WDFY3: variants seen among roughly 807,000 people sequenced by gnomAD.
The protein encoded by WDFY3 is WD repeat and FYVE domain-containing protein 3.
A neutral mutation model predicts 409.6 loss-of-function variants in WDFY3; 66 were observed. That is an observed-to-expected ratio of 0.16 (90% confidence interval 0.13 to 0.20). The LOEUF is 0.20. WDFY3 is among the 10% of genes least tolerant of loss of function. The probability of loss-of-function intolerance (pLI) is 1.00; values close to 1 mark genes in which losing one functional copy is unlikely to be tolerated. For synonymous variants in WDFY3, 1,521 were observed against 1,537.1 expected (o/e 0.99, Z 0.25); for missense variants, 3,031 against 4,298.1 (o/e 0.71, Z 8.24).
chr4:84,706,548 G>GAA (rs34198168), intron 53 of WDFY3, among the ~76,000 whole-genome samples: 9 of 111,218 alleles, frequency 8.1e-5, no homozygotes, highest in Non-Finnish European at 9.9e-5. Context: ...TTAAAATGGT[G>GAA]AAAAAAAAAA....
At chr4:84,730,846 G>A (rs1390962436) in intron 44 of WDFY3, among the ~76,000 whole-genome samples, 1 of 151,786 alleles carries the variant, frequency 6.6e-6, no homozygotes, top group Non-Finnish European at 1.5e-5. Context: ...TGTTGCCCAG[G>A]CTAGAGTGCA....
rs1268797225 is a variant in WDFY3 at position 84,821,160 on chromosome 4, A to G, written c.1515T>C (p.Leu505=). The G allele has an allele frequency of 6.2e-7, 1 of 1,613,708 alleles. No individual in the cohort carries two copies. The highest frequency in any genetic ancestry group is 1.7e-5 in the Admixed American group (1 of 59,900). ...GCAAAAGGTTTACCATGACCTCCAA[A>G]AGGCCAACCTCCCTGAACACGTCTT... is the stretch of plus-strand genomic sequence containing the variant. ...IFKDVFREVG[L]LEVMVNLLHK... The change falls in exon 11 of 68, where the codon CTT becomes CTC. Residue 505 remains leucine (L), a synonymous_variant. Transcript: ENST00000295888.
At chr4:84,777,399 G>A (rs1400109137) in intron 27 of WDFY3, among the ~76,000 whole-genome samples, 5 of 151,828 alleles carry the variant, frequency 3.3e-5, no homozygotes, top group Non-Finnish European at 7.4e-5. Flanking sequence ...ATTGCTGCAA[G>A]AAAATAATAG....
At chr4:84,883,937 T>C (rs1763868570) in intron 3 of WDFY3, among the ~76,000 whole-genome samples, 1 of 152,150 alleles carries the variant, frequency 6.6e-6, no homozygotes, top group Non-Finnish European at 1.5e-5. Context: ...TTCTATTTAA[T>C]GATCAAAATA....
At chr4:84,932,513 T>A (rs1427875902) in intron 1 of WDFY3, 150 bp from the exon 2 acceptor site, 1 of 152,172 alleles carries the variant, frequency 6.6e-6, no homozygotes, top group African/African-American at 2.4e-5. Context: ...ATAGATTAAA[T>A]TTGCTATTAA....
At chr4:84,696,220 T>C (rs754272326) in intron 57 of WDFY3, 38 bp from the exon 58 acceptor site, 6 of 1,592,860 alleles carry the variant, frequency 3.8e-6, no homozygotes, top group African/African-American at 1.3e-5. Flanking sequence ...CTGGCTGACT[T>C]CTATTACTTG....
At chr4:84,761,756 A>G (rs910565150) in intron 32 of WDFY3, among the ~76,000 whole-genome samples, 26 of 152,186 alleles carry the variant, frequency 1.7e-4, no homozygotes, top group Middle Eastern at 3.2e-3. Flanking sequence ...GAACTCAAAC[A>G]AATTTACAAG....
intron 17 of WDFY3, among the ~76,000 whole-genome samples, chr4:84,800,447 T>C (rs1022514297): frequency 6.6e-6 from 1 of 152,164 alleles, no homozygotes; most frequent in Admixed American, 6.5e-5. Flanking sequence ...CATATGTAAG[T>C]ATATATTTCT....
At chr4:84,838,681 T>C (rs1467801576) in intron 6 of WDFY3, among the ~76,000 whole-genome samples, 2 of 152,194 alleles carry the variant, frequency 1.3e-5, no homozygotes, top group East Asian at 3.8e-4. Context: ...ATTTCTTGTC[T>C]CAAATACTCT....
rs146502046 is a variant in WDFY3, at chr4:84,726,647, A to G, written c.7272+214T>C. Among the ~76,000 whole-genome samples the G allele has an allele frequency of 4.0e-4, 61 of 152,218 alleles. 1 individual carries two copies. The East Asian group carries it at 0.011, about 28-fold the overall frequency. ...TTAGTGAGTGGCATATAAATCCTAA[A>G]AAGAGATAATTAGAAAAAGCTGAGC... On this transcript the variant is annotated intron_variant, in intron 45 of 67. Coordinates refer to ENST00000295888, the MANE Select transcript of WDFY3 (RefSeq NM_014991.6).
Position 84,821,382 on chromosome 4 carries a change from T to A in WDFY3, c.1293A>T (p.Ala431=). ...LESQHTLSQF[A]EKISKLPEVQ... is the part of the protein sequence containing the mutation. The stretch of plus-strand genomic sequence containing the variant: ...CTTCTGGGAGTTTAGAAATCTTCTC[T>A]GCAAACTGTGACAATGTGTGCTGTG... Residue 431 remains alanine (A), a synonymous_variant, in exon 11 of 68, where the codon GCA becomes GCT. Transcript: ENST00000295888. 1 of 1,613,942 alleles carries A rather than the reference T, an allele frequency of 6.2e-7. No individual in the cohort carries two copies. The highest frequency in any genetic ancestry group is 8.5e-7 in the Non-Finnish European group (1 of 1,179,884).
intron 47 of WDFY3, 93 bp downstream of exon 47, chr4:84,721,316 C>G: frequency 1.3e-6 from 2 of 1,503,072 alleles, no homozygotes; most frequent in Non-Finnish European, 9.0e-7. Flanking sequence ...GAGGCTAATG[C>G]ATTTACTTTC....
At chr4:84,790,186 C>G (rs1748265274) in intron 21 of WDFY3, among the ~76,000 whole-genome samples, 1 of 151,902 alleles carries the variant, frequency 6.6e-6, no homozygotes, top group African/African-American at 2.4e-5. Context: ...CCCATCTCTA[C>G]TAAAAACACA....
rs1300470674 is a variant in WDFY3 at position 84,910,162 on chromosome 4, A to T, written c.-131-13152T>A. Among the ~76,000 whole-genome samples the T allele has an allele frequency of 3.9e-5, 6 of 152,268 alleles. No individual in the cohort carries two copies. In the East Asian group the frequency reaches 1.2e-3, roughly 29 times the overall value. ...AATAACAACTATTTATATAACATTGACATTGTATTCGGTATTATAAGTAAT... is the reference window on the plus strand; with the variant it reads ...AATAACAACTATTTATATAACATTGTCATTGTATTCGGTATTATAAGTAAT... On this transcript the variant is annotated intron_variant, in intron 2 of 67. Coordinates refer to ENST00000295888, the MANE Select transcript of WDFY3 (RefSeq NM_014991.6).
intron 2 of WDFY3, among the ~76,000 whole-genome samples, chr4:84,903,758 G>A (rs1766639561): frequency 6.6e-6 from 1 of 152,086 alleles, no homozygotes; most frequent in African/African-American, 2.4e-5. Flanking sequence ...GAGAAAAGCT[G>A]GACAAAAACA....
At chr4:84,752,130 TA>T (rs1353693920) in intron 35 of WDFY3, among the ~76,000 whole-genome samples, 3 of 151,910 alleles carry the variant, frequency 2.0e-5, no homozygotes, top group Non-Finnish European at 2.9e-5. Context: ...TATTATAGGT[TA>T]AAAAAACCCC....
At chr4:84,809,791 T>C in intron 14 of WDFY3, 96 bp downstream of exon 14, 1 of 1,121,612 alleles carries the variant, frequency 8.9e-7, no homozygotes, top group South Asian at 1.6e-5. Flanking sequence ...GTCATCTGTT[T>C]TCATATTCTT....
chr4:84,910,884 A>ATT (rs1234247769), intron 2 of WDFY3, among the ~76,000 whole-genome samples: 34 of 136,436 alleles, frequency 2.5e-4, no homozygotes, highest in African/African-American at 6.9e-4. Context: ...TTTTTTCTGT[A>ATT]TTTTTTTTTT....
intron 17 of WDFY3, 106 bp downstream of exon 17, chr4:84,801,544 T>C (rs960718880): frequency 2.4e-5 from 29 of 1,225,406 alleles, no homozygotes; most frequent in South Asian, 3.6e-5. Context: ...ATTTTGCCCA[T>C]AGATAACTGA....
Sources: allele counts gnomAD v4.1 joint callset (sites outside exome capture counted in the v4.1 genomes callset), GRCh38; gene constraint gnomAD v4.1.1; transcripts MANE v1.5; gene names NCBI Gene and HGNC (gene_info 2026-07-23, HGNC 2026-07-21).